DNAH11: variants seen among roughly 807,000 people sequenced by gnomAD.
DNAH11 encodes the protein axonemal beta dynein heavy chain 11.
A neutral mutation model predicts 526.0 loss-of-function variants in DNAH11; 442 were observed. That is an observed-to-expected ratio of 0.84 (90% confidence interval 0.78 to 0.91). The LOEUF is 0.91. Ranked by LOEUF, DNAH11 falls within the 40% of genes least tolerant of loss-of-function variation. The probability of loss-of-function intolerance (pLI) is 0.00; values close to 1 mark genes in which losing one functional copy is unlikely to be tolerated. For synonymous variants in DNAH11, 2,461 were observed against 1,935.9 expected, an observed-to-expected ratio of 1.27 and a Z score of -7.12; for missense variants, 6,989 against 5,448.7, an observed-to-expected ratio of 1.28 and a Z score of -8.90.
intron 46 of DNAH11, among the ~76,000 whole-genome samples, chr7:21,736,791 C>G (rs1785630811): frequency 6.6e-6 from 1 of 152,092 alleles, no homozygotes; most frequent in Non-Finnish European, 1.5e-5. Flanking sequence ...GAGTTTGAGT[C>G]CAGCCCGGGC....
rs766265779 is a variant in DNAH11 at position 21,748,621 on chromosome 7, C to G, written c.8552C>G (p.Ala2851Gly). The change falls in exon 52 of 82, where the codon GCT becomes GGT. Residue 2851 changes from alanine to glycine, a missense_variant. By Grantham distance (60) the Ala-to-Gly change is moderately conservative (BLOSUM62 0). Coordinates refer to ENST00000409508, the MANE Select transcript of DNAH11 (RefSeq NM_001277115.2). ...SRILRTPQGC[A>G]LLVGVGGSGK... Reference sequence around the variant, plus strand: ...ATCTTACGAACCCCTCAGGGCTGTGCTCTCTTGGTTGGAGTTGGGGGCAGT... The same window carrying G: ...ATCTTACGAACCCCTCAGGGCTGTGGTCTCTTGGTTGGAGTTGGGGGCAGT... 1.6e-5 allele frequency: 26 copies of G among 1,611,150 alleles called. No homozygotes were observed. The highest frequency in any genetic ancestry group is 1.2e-4 in the Admixed American group (7 of 59,840).
At chr7:21,735,513 A>G (rs1206542780) in intron 45 of DNAH11, 127 bp from the exon 46 acceptor site, 12 of 800,038 alleles carry the variant, frequency 1.5e-5, no homozygotes, top group Non-Finnish European at 2.4e-5. Flanking sequence ...AATCTGAACT[A>G]TGAATTATTT....
At chr7:21,675,976 C>T (rs1450188841) in intron 30 of DNAH11, among the ~76,000 whole-genome samples, 3 of 152,114 alleles carry the variant, frequency 2.0e-5, no homozygotes, top group South Asian at 4.2e-4. Flanking sequence ...GCCAGTCATA[C>T]AAGGATTAGA....
At chr7:21,656,845 G>A (rs1473587919) in intron 29 of DNAH11, among the ~76,000 whole-genome samples, 1 of 151,968 alleles carries the variant, frequency 6.6e-6, no homozygotes, top group African/African-American at 2.4e-5. Flanking sequence ...GAAGCAGATG[G>A]TGGAATACTT....
chr7:21,843,193 C>T (rs915792657), intron 66 of DNAH11, among the ~76,000 whole-genome samples: 2 of 152,094 alleles, frequency 1.3e-5, no homozygotes, highest in African/African-American at 4.8e-5. Flanking sequence ...GCTGAAAATA[C>T]TGAAATTTAG....
At chr7:21,835,382 A>T (rs1781954550) in intron 65 of DNAH11, among the ~76,000 whole-genome samples, 1 of 152,180 alleles carries the variant, frequency 6.6e-6, no homozygotes, top group African/African-American at 2.4e-5. Context: ...AAACCAATCA[A>T]AATTCAACAG....
At chr7:21,605,196 C>A (rs1785235563) in intron 18 of DNAH11, among the ~76,000 whole-genome samples, 6 of 152,184 alleles carry the variant, frequency 3.9e-5, no homozygotes, top group Admixed American at 3.9e-4. Context: ...CCATAACTGG[C>A]AGTTACTGAA....
At chr7:21,894,411 C>G (rs1324088810) in intron 77 of DNAH11, among the ~76,000 whole-genome samples, 4 of 152,230 alleles carry the variant, frequency 2.6e-5, no homozygotes, top group African/African-American at 7.2e-5. Context: ...AGTGCTGGCA[C>G]TGGTACAGAG....
At chr7:21,723,580 G>A (rs923502199) in intron 44 of DNAH11, among the ~76,000 whole-genome samples, 3 of 152,166 alleles carry the variant, frequency 2.0e-5, no homozygotes, top group South Asian at 2.1e-4. Flanking sequence ...TGAAATGCAC[G>A]TGAAATCCTA....
chr7:21,663,151 G>A lies in DNAH11; in HGVS notation c.5328+4120G>A, dbSNP rs539916385. On this transcript the variant is annotated intron_variant, in intron 30 of 81. Coordinates refer to ENST00000409508, the MANE Select transcript of DNAH11 (RefSeq NM_001277115.2). ...CCCTGCGTGTTGCTACAAAAGACAT[G>A]ATTTTATTCTTTTTTATGGTGGAGT... Among the ~76,000 whole-genome samples, 3 of 152,142 alleles carry A rather than the reference G, an allele frequency of 2.0e-5. No homozygotes were observed. In the East Asian group the frequency reaches 5.8e-4, roughly 29 times the overall value.
intron 35 of DNAH11, among the ~76,000 whole-genome samples, chr7:21,693,647 G>A (rs1438421640): frequency 6.6e-6 from 1 of 152,080 alleles, no homozygotes; most frequent in Non-Finnish European, 1.5e-5. Flanking sequence ...AATAGATACA[G>A]GGATTTTCTG....
chr7:21,799,256 C>G (rs1218278990), intron 61 of DNAH11, among the ~76,000 whole-genome samples: 3 of 152,126 alleles, frequency 2.0e-5, no homozygotes, highest in African/African-American at 7.2e-5. Flanking sequence ...ATACCAGAGC[C>G]TTCGTGTGCT....
intron 20 of DNAH11, among the ~76,000 whole-genome samples, chr7:21,608,440 G>T (rs1193480664): frequency 6.6e-6 from 1 of 152,166 alleles, no homozygotes; most frequent in Non-Finnish European, 1.5e-5. Context: ...TTCATTTCAT[G>T]CTGGAGATAG....
Position 21,617,498 on chromosome 7 carries a change from T to A in DNAH11, c.4096-121T>A, listed in dbSNP as rs959860098. On this transcript the variant is annotated intron_variant, in intron 22 of 81. Transcript: ENST00000409508. The stretch of plus-strand genomic sequence containing the variant: ...CTGGTTTTGCTCCTTGGTCTAGGAG[T>A]TCAAATGCTTTCACTCTTTTCTAAT... 15 of 1,195,768 alleles carry A rather than the reference T, an allele frequency of 1.3e-5. No homozygotes were observed. In the Admixed American group the frequency reaches 2.3e-4, roughly 18 times the overall value. The allele number at this position is 1,195,768 out of a possible 1,614,324, so 74.1% of individuals were successfully genotyped here. A position where few individuals can be genotyped will look rare whatever the true frequency, so the allele number is the denominator to read the frequency against.
At chr7:21,698,252 C>A (rs1243990938) in intron 36 of DNAH11, 39 bp downstream of exon 36, 7 of 1,605,640 alleles carry the variant, frequency 4.4e-6, no homozygotes, top group African/African-American at 1.3e-5. Context: ...TTTTTACATA[C>A]CATTGAAAAA....
intron 31 of DNAH11, among the ~76,000 whole-genome samples, 177 bp from the exon 32 acceptor site, chr7:21,683,607 G>A (rs1017034333): frequency 1.3e-5 from 2 of 152,096 alleles, no homozygotes; most frequent in South Asian, 2.1e-4. Context: ...CTTATTACAC[G>A]CATATTTCTT....
intron 76 of DNAH11, among the ~76,000 whole-genome samples, chr7:21,886,740 G>C (rs1388737507): frequency 3.9e-5 from 6 of 152,194 alleles, no homozygotes; most frequent in Admixed American, 3.9e-4. Flanking sequence ...TCACAAGCCT[G>C]AACTCCCATT....
intron 28 of DNAH11, among the ~76,000 whole-genome samples, chr7:21,647,108 A>C (rs1396485498): frequency 6.6e-6 from 1 of 152,192 alleles, no homozygotes; most frequent in Non-Finnish European, 1.5e-5. Flanking sequence ...CAGAGAGCTT[A>C]ATATGTGTGC....
At chr7:21,866,047 C>T (rs1783261218) in intron 70 of DNAH11, among the ~76,000 whole-genome samples, 1 of 152,152 alleles carries the variant, frequency 6.6e-6, no homozygotes. Context: ...ATCTTTATGA[C>T]CTGTATCTTG....
Sources: allele counts gnomAD v4.1 joint callset (sites outside exome capture counted in the v4.1 genomes callset), GRCh38; gene constraint gnomAD v4.1.1; transcripts MANE v1.5; gene names NCBI Gene and HGNC (gene_info 2026-07-23, HGNC 2026-07-21).